Variants in ABL1 observed in about 807,000 individuals in gnomAD.
The protein encoded by ABL1 is ABL proto-oncogene 1, non-receptor tyrosine kinase.
A neutral mutation model predicts 94.7 loss-of-function variants in ABL1; 11 were observed. That is an observed-to-expected ratio of 0.12 (90% CI 0.07 to 0.19). The LOEUF (loss-of-function observed/expected upper bound fraction) is 0.19. Among genes scored for constraint, ABL1 ranks in the 10% least tolerant of loss-of-function variants. The pLI is 1.00. For synonymous variants in ABL1, 656 were observed against 622.4 expected, an observed-to-expected ratio of 1.05 and a Z score of -0.80; for missense variants, 1,082 against 1,489.4, an observed-to-expected ratio of 0.73 and a Z score of 4.50.
At chr9:130,795,913 T>C (rs1321252810) in intron 1 of ABL1, among the ~76,000 whole-genome samples, 1 of 152,214 alleles carries the variant, frequency 6.6e-6, no homozygotes, top group Non-Finnish European at 1.5e-5. Context: ...ATTTATAGGC[T>C]GGGCGCGGTG....
intron 1 of ABL1, among the ~76,000 whole-genome samples, chr9:130,738,126 T>G (rs1831769023): frequency 6.6e-6 from 1 of 152,064 alleles, no homozygotes; most frequent in Admixed American, 6.6e-5. Context: ...CACTGCAGTG[T>G]CCTTTCTTGA....
intron 1 of ABL1, among the ~76,000 whole-genome samples, chr9:130,720,731 C>T (rs568274966): frequency 2.0e-5 from 3 of 152,088 alleles, no homozygotes; most frequent in Non-Finnish European, 2.9e-5. Context: ...AGGGATTCCA[C>T]GGGGGCATTG....
At chr9:130,876,503 C>A (rs1261784608) in intron 7 of ABL1, among the ~76,000 whole-genome samples, 1 of 150,868 alleles carries the variant, frequency 6.6e-6, no homozygotes, top group African/African-American at 2.5e-5. Flanking sequence ...CTGCAACCTC[C>A]GCCTACCAGA....
intron 4 of ABL1, among the ~76,000 whole-genome samples, chr9:130,871,219 T>C (rs1301517817): frequency 6.6e-6 from 1 of 152,208 alleles, no homozygotes; most frequent in East Asian, 1.9e-4. Context: ...CTTGTTCTGA[T>C]AGTCAGTTCA....
Position 130,863,465 on chromosome 9 carries a change from C to G in ABL1, c.822+430C>G, listed in dbSNP as rs1331375932. On this transcript the variant is annotated intron_variant, in intron 4 of 10. Transcript: ENST00000318560. The surrounding 1 kb of genome is among the most constrained non-coding windows in gnomAD (Gnocchi z 4.3). ...TGACTCTTCTGTGGATTTTTGTTGG[C>G]TGATTTGGAAGGCAGGTGCCCTGGG... is the stretch of plus-strand genomic sequence containing the variant. Among the ~76,000 whole-genome samples the G allele has an allele frequency of 6.6e-6, 1 of 152,112 alleles. No individual in the cohort carries two copies. The highest frequency in any genetic ancestry group is 2.4e-5 in the African/African-American group (1 of 41,408).
At chr9:130,717,786 G>A (rs1831462668) in intron 1 of ABL1, among the ~76,000 whole-genome samples, 1 of 151,984 alleles carries the variant, frequency 6.6e-6, no homozygotes, top group Non-Finnish European at 1.5e-5. Context: ...GGCCGAAGTG[G>A]GCAGATCACC....
chr9:130,713,882 G>T (rs927338653), exon 1 of ABL1: 1 of 231,334 alleles, frequency 4.3e-6, no homozygotes, highest in Non-Finnish European at 8.5e-6. Flanking sequence ...AAGATAGGGG[G>T]TTGGTGACTT....
At chr9:130,804,180 C>T (rs111296867) in intron 1 of ABL1, among the ~76,000 whole-genome samples, 4,222 of 151,766 alleles carry the variant, frequency 0.028, 201 homozygotes, top group African/African-American at 0.096. Flanking sequence ...CACGGTGAAA[C>T]CCTGTCTCTA....
intron 1 of ABL1, among the ~76,000 whole-genome samples, chr9:130,781,702 G>C (rs186214160): frequency 2.6e-4 from 40 of 152,030 alleles, no homozygotes; most frequent in Non-Finnish European, 4.0e-4. Context: ...CTATTAGTGT[G>C]TACTAAAAGT....
rs573052141 is a variant in ABL1 at position 130,765,135 on chromosome 9, T to C, written c.136+50680T>C. Reference sequence around the variant, plus strand: ...AATAATTTGCTTTCCTCTGGACTTCTAAGGCTTCCTGAAATTACATGCAAA... The same window carrying C: ...AATAATTTGCTTTCCTCTGGACTTCCAAGGCTTCCTGAAATTACATGCAAA... On this transcript the variant is annotated intron_variant, in intron 1 of 10. Transcript: ENST00000372348. Among the ~76,000 whole-genome samples the C allele has an allele frequency of 3.9e-5, 6 of 152,358 alleles. No individual in the cohort carries two copies. The South Asian group carries it at 1.2e-3, about 32-fold the overall frequency.
chr9:130,737,811 C>A (rs1831763606), intron 1 of ABL1, among the ~76,000 whole-genome samples: 1 of 151,344 alleles, frequency 6.6e-6, no homozygotes, highest in East Asian at 1.9e-4. Context: ...GTTAAAACAG[C>A]CTCTGTCTCA....
At chr9:130,800,877 A>G (rs1830045367) in intron 1 of ABL1, among the ~76,000 whole-genome samples, 1 of 151,052 alleles carries the variant, frequency 6.6e-6, no homozygotes, top group African/African-American at 2.4e-5. Context: ...GTGTGAGCAT[A>G]TGATTTTCCC....
intron 1 of ABL1, among the ~76,000 whole-genome samples, chr9:130,818,539 C>G (rs1564299410): frequency 6.6e-6 from 1 of 152,168 alleles, no homozygotes; most frequent in Non-Finnish European, 1.5e-5. Context: ...GGTATTGTAG[C>G]TAAGAAATCT....
At position 130,862,778 on chromosome 9, in the gene ABL1, G is replaced by A. The variant is rs1174294624; in HGVS notation, c.565G>A (p.Glu189Lys). 2 of 1,613,706 alleles carry A rather than the reference G, an allele frequency of 1.2e-6. No homozygotes were observed. The highest frequency in any genetic ancestry group is 1.7e-6 in the Non-Finnish European group (2 of 1,179,976). The change falls in exon 4 of 11, where the codon GAG becomes AAG. Residue 189 changes from glutamate to lysine, a missense_variant. Transcript: ENST00000318560. The surrounding 1 kb of genome is among the most constrained non-coding windows in gnomAD (Gnocchi z 5.5). The stretch of plus-strand genomic sequence containing the variant: ...TTTCCTTCAGCTCTACGTCTCCTCC[G>A]AGAGCCGCTTCAACACCCTGGCCGA... ...ASDGKLYVSS[E>K]SRFNTLAELV...
At chr9:130,844,890 A>T (rs1366096130) in intron 1 of ABL1, among the ~76,000 whole-genome samples, 2 of 152,204 alleles carry the variant, frequency 1.3e-5, no homozygotes, top group Non-Finnish European at 2.9e-5. Context: ...CTGTGTTCTT[A>T]AAAAAATTAA....
chr9:130,723,897 C>T (rs980994463), intron 1 of ABL1, among the ~76,000 whole-genome samples: 8 of 151,460 alleles, frequency 5.3e-5, no homozygotes, highest in Non-Finnish European at 1.2e-4. Flanking sequence ...CTGCAAGTTC[C>T]GCCTCCTGGG....
chr9:130,866,610 A>C (rs1831161484), intron 4 of ABL1, among the ~76,000 whole-genome samples: 1 of 152,202 alleles, frequency 6.6e-6, no homozygotes, highest in Admixed American at 6.5e-5. Flanking sequence ...GAACAAGTCA[A>C]GCAACCTTGG....
chr9:130,812,611 TAAA>T (rs922093752), intron 1 of ABL1, among the ~76,000 whole-genome samples: 4 of 152,182 alleles, frequency 2.6e-5, no homozygotes, highest in African/African-American at 9.7e-5. Context: ...TTCATAATAA[TAAA>T]GAGATACATT....
intron 1 of ABL1, among the ~76,000 whole-genome samples, chr9:130,724,197 ACTC>A (rs769458120): frequency 1.4e-4 from 21 of 152,106 alleles, no homozygotes; most frequent in Non-Finnish European, 2.4e-4. Context: ...GCAGCCTCGA[ACTC>A]CTCAAGTAAA....
Sources: gnomAD v4.1 joint callset for allele counts (sites outside exome capture counted in the v4.1 genomes callset) on GRCh38, gnomAD v4.1.1 for gene constraint, Gnocchi (gnomAD v3.1) non-coding constraint, MANE v1.5 for transcripts, NCBI Gene and HGNC (gene_info 2026-07-23, HGNC 2026-07-21) for gene names.